Variants in PTPRM observed in about 807,000 individuals in gnomAD.
PTPRM encodes the protein receptor-type tyrosine-protein phosphatase mu.
In PTPRM, 47 loss-of-function variants were observed where a neutral mutation model predicts 186.7. The ratio of observed to expected loss-of-function variants is 0.25; its 90% CI spans 0.20 to 0.32. The LOEUF (loss-of-function observed/expected upper bound fraction) is 0.32, where lower values mean the gene tolerates loss of function less well. Ranked by LOEUF, PTPRM falls within the 10% of genes least tolerant of loss-of-function variation. The pLI is 1.00. For synonymous variants in PTPRM, 668 were observed against 674.9 expected (o/e 0.99, Z 0.16); for missense variants, 1,494 against 1,865.0 (o/e 0.80, Z 3.66).
intron 19 of PTPRM, among the ~76,000 whole-genome samples, chr18:8,278,569 A>C (rs2094864552): frequency 6.6e-6 from 1 of 152,174 alleles, no homozygotes; most frequent in Non-Finnish European, 1.5e-5. Flanking sequence ...AATAAATGAA[A>C]GACCTGATCA....
intron 4 of PTPRM, among the ~76,000 whole-genome samples, chr18:7,920,970 G>C (rs1208479979): frequency 6.6e-6 from 1 of 152,068 alleles, no homozygotes; most frequent in African/African-American, 2.4e-5. Flanking sequence ...TATGAACCCT[G>C]ATTCCTTTAT....
intron 7 of PTPRM, among the ~76,000 whole-genome samples, chr18:7,980,541 G>A (rs1046910206): frequency 6.6e-6 from 1 of 151,768 alleles, no homozygotes; most frequent in Admixed American, 6.6e-5. Context: ...ATGCCACCAC[G>A]CCTGGCTAAT....
At chr18:7,696,425 T>G (rs1273211749) in intron 1 of PTPRM, among the ~76,000 whole-genome samples, 1 of 152,240 alleles carries the variant, frequency 6.6e-6, no homozygotes, top group Non-Finnish European at 1.5e-5. Context: ...CTCTGTTGTA[T>G]TTATATCACA....
chr18:8,198,803 C>T (rs753663185), intron 14 of PTPRM, among the ~76,000 whole-genome samples: 1 of 152,256 alleles, frequency 6.6e-6, no homozygotes, highest in Non-Finnish European at 1.5e-5. Context: ...GCTAAGATAC[C>T]GATAGCCCCC....
At chr18:7,629,260 T>G (rs2038134168) in intron 1 of PTPRM, among the ~76,000 whole-genome samples, 1 of 152,178 alleles carries the variant, frequency 6.6e-6, no homozygotes, top group Non-Finnish European at 1.5e-5. Context: ...ACAGAAGGGA[T>G]GGATTGCCTA....
At position 8,298,876 on chromosome 18, in the gene PTPRM, G is replaced by A. The variant is rs187070181; in HGVS notation, c.2842+2421G>A. Among the ~76,000 whole-genome samples the A allele has an allele frequency of 2.3e-3, 348 of 152,300 alleles. 1 individual carries two copies. Among genetic ancestry groups the A allele is most frequent in the Non-Finnish European group, 3.4e-3 (233 of 68,018 alleles). ...TACTTGTAATCTTAGCACTTTGAGA[G>A]GCTGAGGTGGGAGGATTGCTTGAGG... On this transcript the variant is annotated intron_variant, in intron 20 of 32. Transcript: ENST00000580170.
At chr18:7,769,573 T>C (rs1391098495) in intron 1 of PTPRM, among the ~76,000 whole-genome samples, 4 of 152,204 alleles carry the variant, frequency 2.6e-5, no homozygotes, top group Admixed American at 1.3e-4. Flanking sequence ...TTTTAAAAAA[T>C]TTTTTGGTGG....
At chr18:7,676,956 T>C (rs1299083410) in intron 1 of PTPRM, among the ~76,000 whole-genome samples, 1 of 152,224 alleles carries the variant, frequency 6.6e-6, no homozygotes, top group Non-Finnish European at 1.5e-5. Context: ...GTGAAGTCAC[T>C]GATAAGCCAA....
chr18:7,872,108 A>G (rs958164394), intron 2 of PTPRM, among the ~76,000 whole-genome samples: 6 of 152,324 alleles, frequency 3.9e-5, no homozygotes, highest in South Asian at 4.1e-4. Flanking sequence ...GGTGATATAG[A>G]TGTATCAAAT....
rs535990632 is a variant in PTPRM at position 8,184,252 on chromosome 18, C to T, written c.2300+40473C>T. Among the ~76,000 whole-genome samples, 26 of 152,216 alleles carry T rather than the reference C, an allele frequency of 1.7e-4. 1 individual carries two copies. The South Asian group carries it at 4.8e-3, about 28-fold the overall frequency. ...TCCAGCATTTTGCCATTCTGGAGCA[C>T]GAATAAATCTGTTTCAAGTTTATTT... On this transcript the variant is annotated intron_variant, in intron 14 of 32. Coordinates refer to ENST00000580170, the MANE Select transcript of PTPRM (RefSeq NM_001105244.2).
At chr18:7,619,728 C>A (rs917246065) in intron 1 of PTPRM, among the ~76,000 whole-genome samples, 1 of 152,146 alleles carries the variant, frequency 6.6e-6, no homozygotes, top group African/African-American at 2.4e-5. Flanking sequence ...GTTGGGGACC[C>A]ACTGGATATA....
chr18:7,875,021 C>T (rs1052596226), intron 2 of PTPRM, among the ~76,000 whole-genome samples: 11 of 151,910 alleles, frequency 7.2e-5, no homozygotes, highest in Non-Finnish European at 1.0e-4. Context: ...GGTGAAACCC[C>T]GTCTCTACTA....
intron 1 of PTPRM, among the ~76,000 whole-genome samples, chr18:7,574,993 C>G (rs921049349): frequency 6.6e-6 from 1 of 152,198 alleles, no homozygotes; most frequent in Non-Finnish European, 1.5e-5. Context: ...GATCGCGCCA[C>G]TGCACTCCAG....
intron 1 of PTPRM, among the ~76,000 whole-genome samples, chr18:7,586,180 T>C (rs1397285518): frequency 6.6e-6 from 1 of 152,198 alleles, no homozygotes; most frequent in Non-Finnish European, 1.5e-5. Flanking sequence ...TGTAGTTCTT[T>C]GTCTACATCA....
chr18:8,020,499 G>A (rs1382883943), intron 7 of PTPRM, among the ~76,000 whole-genome samples: 1 of 152,182 alleles, frequency 6.6e-6, no homozygotes, highest in African/African-American at 2.4e-5. Context: ...TTTTTCAAAT[G>A]AGGTTTTAGC....
intron 2 of PTPRM, among the ~76,000 whole-genome samples, chr18:7,818,025 A>C (rs2044944045): frequency 6.6e-6 from 1 of 152,228 alleles, no homozygotes; most frequent in Admixed American, 6.5e-5. Flanking sequence ...GGGTCAGGGC[A>C]GCCTAGGGAT....
At chr18:8,292,630 T>C (rs2012483) in intron 19 of PTPRM, among the ~76,000 whole-genome samples, 17,468 of 152,220 alleles carry the variant, frequency 0.11, 1,083 homozygotes, top group South Asian at 0.17. Context: ...AAAACACATT[T>C]TGCCATTTAT....
intron 1 of PTPRM, among the ~76,000 whole-genome samples, chr18:7,761,650 A>G (rs958786005): frequency 7.9e-5 from 12 of 152,198 alleles, no homozygotes; most frequent in Non-Finnish European, 1.5e-4. Context: ...TGGCTCTTAC[A>G]GCATTTTTCA....
chr18:8,349,342 G>A (rs770989755), intron 23 of PTPRM, among the ~76,000 whole-genome samples: 4 of 152,190 alleles, frequency 2.6e-5, no homozygotes, highest in Non-Finnish European at 5.9e-5. Flanking sequence ...TCATAAGAAA[G>A]GGAAGAGGGA....
Sources: allele counts gnomAD v4.1 joint callset (sites outside exome capture counted in the v4.1 genomes callset), GRCh38; gene constraint gnomAD v4.1.1; transcripts MANE v1.5; gene names NCBI Gene and HGNC (gene_info 2026-07-23, HGNC 2026-07-21).